ANKS1B: variants seen among roughly 807,000 people sequenced by gnomAD.
ANKS1B encodes the protein ankyrin repeat and sterile alpha motif domain-containing protein 1B.
In ANKS1B, 36 loss-of-function variants were observed where a neutral mutation model predicts 148.3. The ratio of observed to expected loss-of-function variants is 0.24; its 90% CI spans 0.19 to 0.32. The LOEUF is 0.32. Among genes scored for constraint, ANKS1B ranks in the 10% least tolerant of loss-of-function variants. The pLI is 1.00. For missense variants in ANKS1B, 1,157 were observed against 1,542.6 expected, an observed-to-expected ratio of 0.75 and a Z score of 4.19; for synonymous variants, 542 against 560.8, an observed-to-expected ratio of 0.97 and a Z score of 0.47.
At chr12:99,439,061 TTAAAA>T (rs2095506778) in intron 11 of ANKS1B, among the ~76,000 whole-genome samples, 1 of 151,678 alleles carries the variant, frequency 6.6e-6, no homozygotes, top group African/African-American at 2.4e-5. Flanking sequence ...CAACAAACAA[TTAAAA>T]TATGAAAGCA....
chr12:98,939,046 T>C lies in ANKS1B; in HGVS notation c.2779-106910A>G, dbSNP rs74735515. Among the ~76,000 whole-genome samples the C allele has an allele frequency of 4.2e-3, 646 of 152,364 alleles. 1 individual carries two copies. The highest frequency in any genetic ancestry group is 0.037 in the Middle Eastern group (11 of 294). On this transcript the variant is annotated intron_variant, in intron 17 of 26. Transcript: ENST00000683438. Reference sequence around the variant, plus strand: ...TTTTTCCTCCCTCTCTTTTTCACCTTGAGACTGTTACAGATAGCTGAGTAA... The same window carrying C: ...TTTTTCCTCCCTCTCTTTTTCACCTCGAGACTGTTACAGATAGCTGAGTAA...
chr12:98,877,463 A>G (rs2099694253), intron 17 of ANKS1B, among the ~76,000 whole-genome samples: 1 of 152,226 alleles, frequency 6.6e-6, no homozygotes, highest in Admixed American at 6.5e-5. Context: ...CAGATTGACT[A>G]TTCAGTAAGT....
rs374334830 is a variant in ANKS1B at position 99,705,422 on chromosome 12, G to A, written c.1129-50212C>T. ...AAAGAGGGATTTCCTAGGATGTTCCGGTCAAAAGGAAAGATCTAAAGATGC... is the reference window on the plus strand; with the variant it reads ...AAAGAGGGATTTCCTAGGATGTTCCAGTCAAAAGGAAAGATCTAAAGATGC... On this transcript the variant is annotated intron_variant, in intron 8 of 26. Transcript: ENST00000683438. Among the ~76,000 whole-genome samples, 61 of 152,148 alleles carry A rather than the reference G, an allele frequency of 4.0e-4. 1 individual carries two copies. The highest frequency in any genetic ancestry group is 1.2e-3 in the African/African-American group (51 of 41,526).
At chr12:99,741,803 T>C (rs1034944860) in intron 8 of ANKS1B, among the ~76,000 whole-genome samples, 1 of 151,856 alleles carries the variant, frequency 6.6e-6, no homozygotes, top group Non-Finnish European at 1.5e-5. Context: ...GATGAGAGAT[T>C]GATGGGTGCA....
At chr12:99,061,580 A>G (rs2153560549) in intron 16 of ANKS1B, among the ~76,000 whole-genome samples, 1 of 152,344 alleles carries the variant, frequency 6.6e-6, no homozygotes, top group Admixed American at 6.5e-5. Context: ...CCACAATTGC[A>G]TAGAGCAAAG....
At position 98,933,461 on chromosome 12, in the gene ANKS1B, G is replaced by C. The variant is rs138491836; in HGVS notation, c.2779-101325C>G. Among the ~76,000 whole-genome samples the C allele has an allele frequency of 1.9e-3, 286 of 152,176 alleles. 1 individual carries two copies. The highest frequency in any genetic ancestry group is 6.6e-3 in the African/African-American group (273 of 41,522). Reference sequence around the variant, plus strand: ...GTGAATAGTGCTGCTGTGAATATAAGAGTGCTAATACCTCTTTAGATCCTG... The same window carrying C: ...GTGAATAGTGCTGCTGTGAATATAACAGTGCTAATACCTCTTTAGATCCTG... On this transcript the variant is annotated intron_variant, in intron 17 of 26. Coordinates refer to ENST00000683438, the MANE Select transcript of ANKS1B (RefSeq NM_001352186.2).
chr12:99,758,300 T>C (rs2061757563), intron 8 of ANKS1B, among the ~76,000 whole-genome samples: 1 of 151,866 alleles, frequency 6.6e-6, no homozygotes, highest in Non-Finnish European at 1.5e-5. Flanking sequence ...TATACTTCAA[T>C]AGGAAACAGT....
At chr12:99,448,196 G>C (rs1042555183) in intron 10 of ANKS1B, among the ~76,000 whole-genome samples, 9 of 152,060 alleles carry the variant, frequency 5.9e-5, no homozygotes, top group African/African-American at 2.2e-4. Context: ...GAATTAACTT[G>C]TGTCCATTAA....
chr12:98,974,607 C>T (rs73384620), intron 17 of ANKS1B, among the ~76,000 whole-genome samples: 4,296 of 152,102 alleles, frequency 0.028, 178 homozygotes, highest in African/African-American at 0.088. Flanking sequence ...AGTGCTTCTA[C>T]AGAGATTGGG....
At chr12:99,108,532 G>A (rs1208696785) in intron 15 of ANKS1B, among the ~76,000 whole-genome samples, 1 of 152,098 alleles carries the variant, frequency 6.6e-6, no homozygotes, top group Non-Finnish European at 1.5e-5. Flanking sequence ...ACTGAATTGG[G>A]TACTAATATT....
chr12:99,912,677 A>G (rs1466148163), intron 1 of ANKS1B, among the ~76,000 whole-genome samples: 1 of 151,914 alleles, frequency 6.6e-6, no homozygotes, highest in Admixed American at 6.6e-5. Flanking sequence ...AACACTGACA[A>G]ATTTTACTTT....
intron 8 of ANKS1B, among the ~76,000 whole-genome samples, chr12:99,767,951 A>C (rs978759896): frequency 1.3e-5 from 2 of 152,180 alleles, no homozygotes; most frequent in African/African-American, 2.4e-5. Context: ...TTCAAAAATA[A>C]AAGTTCTTAC....
chr12:99,740,961 A>G (rs973309854), intron 8 of ANKS1B, among the ~76,000 whole-genome samples: 1 of 152,134 alleles, frequency 6.6e-6, no homozygotes, highest in Non-Finnish European at 1.5e-5. Flanking sequence ...TTCAAGCACA[A>G]AAGTAGGTGG....
At chr12:99,925,451 A>C (rs2094458495) in intron 1 of ANKS1B, among the ~76,000 whole-genome samples, 2 of 152,228 alleles carry the variant, frequency 1.3e-5, no homozygotes, top group Non-Finnish European at 2.9e-5. Flanking sequence ...GAGAATTCTT[A>C]AATATGACCT....
At chr12:99,425,987 A>G (rs2095246377) in intron 11 of ANKS1B, among the ~76,000 whole-genome samples, 1 of 152,074 alleles carries the variant, frequency 6.6e-6, no homozygotes, top group South Asian at 2.1e-4. Flanking sequence ...TGTATCTGTA[A>G]GATTATGTTC....
intron 12 of ANKS1B, among the ~76,000 whole-genome samples, chr12:99,266,380 T>C (rs572428646): frequency 7.2e-5 from 11 of 152,324 alleles, no homozygotes; most frequent in African/African-American, 2.4e-4. Flanking sequence ...AGCATTGTGA[T>C]AAGTGTTTTT....
At chr12:99,542,120 A>G (rs1027480747) in intron 9 of ANKS1B, among the ~76,000 whole-genome samples, 6 of 152,156 alleles carry the variant, frequency 3.9e-5, no homozygotes, top group South Asian at 2.1e-4. Flanking sequence ...AAGAAGTAAA[A>G]CTATCTTAAT....
At chr12:98,948,840 ACT>A (rs1465678196) in intron 17 of ANKS1B, among the ~76,000 whole-genome samples, 9 of 150,688 alleles carry the variant, frequency 6.0e-5, no homozygotes, top group African/African-American at 2.2e-4. Flanking sequence ...ACGGGTAGTA[ACT>A]CTCAAATAGT....
At chr12:98,937,134 G>A (rs923708121) in intron 17 of ANKS1B, among the ~76,000 whole-genome samples, 3 of 152,216 alleles carry the variant, frequency 2.0e-5, no homozygotes, top group Non-Finnish European at 4.4e-5. Context: ...CCAGGGATGA[G>A]CAGGATGGTT....
Sources: gnomAD v4.1 joint callset for allele counts (sites outside exome capture counted in the v4.1 genomes callset) on GRCh38, gnomAD v4.1.1 for gene constraint, MANE v1.5 for transcripts, NCBI Gene and HGNC (gene_info 2026-07-23, HGNC 2026-07-21) for gene names.